BRD3: variants seen among roughly 807,000 people sequenced by gnomAD.
BRD3 encodes bromodomain containing 3.
BRD3 carries 17 observed loss-of-function variants against 66.8 expected under a neutral mutation model. The observed-to-expected ratio is 0.25, with a 90% CI of 0.17 to 0.38. The LOEUF is 0.38. Among genes scored for constraint, BRD3 ranks in the 10% least tolerant of loss-of-function variants. BRD3 has a pLI of 1.00. For missense variants in BRD3, 713 were observed against 956.1 expected (o/e 0.75, Z 3.35); for synonymous variants, 421 against 393.2 (o/e 1.07, Z -0.84).
intron 1 of BRD3, among the ~76,000 whole-genome samples, chr9:134,063,285 C>A (rs1018014051): frequency 6.6e-6 from 1 of 152,160 alleles, no homozygotes; most frequent in African/African-American, 2.4e-5. Flanking sequence ...TCTGTGAGTC[C>A]ACAGCCCACG....
intron 1 of BRD3, among the ~76,000 whole-genome samples, chr9:134,054,852 C>T (rs1564557781): frequency 6.6e-6 from 1 of 152,076 alleles, no homozygotes; most frequent in South Asian, 2.1e-4. Flanking sequence ...GTCGTCAGCA[C>T]CCTGCGTGTA....
intron 9 of BRD3, among the ~76,000 whole-genome samples, chr9:134,039,416 T>C (rs941706808): frequency 6.6e-6 from 1 of 152,222 alleles, no homozygotes; most frequent in Non-Finnish European, 1.5e-5. Flanking sequence ...CCTCTGTGGC[T>C]TTGTACCCGT....
At chr9:134,064,604 T>C (rs945980775) in intron 1 of BRD3, among the ~76,000 whole-genome samples, 3 of 152,102 alleles carry the variant, frequency 2.0e-5, no homozygotes, top group Non-Finnish European at 2.9e-5. Flanking sequence ...CTCACGCTTG[T>C]AATCCCAGCA....
chr9:134,053,781 C>G, intron 1 of BRD3, 191 bp from the exon 2 acceptor site: 1 of 430,672 alleles, frequency 2.3e-6, no homozygotes, highest in Non-Finnish European at 4.1e-6. Context: ...GCGACCAGCT[C>G]AGAACGACTC....
At position 134,036,187 on chromosome 9, in the gene BRD3, C is replaced by T. The variant is rs1829907712; in HGVS notation, c.1781G>A (p.Arg594Gln). 3 of 1,614,096 alleles carry T rather than the reference C, an allele frequency of 1.9e-6. No individual in the cohort carries two copies. Among genetic ancestry groups the T allele is most frequent in the Non-Finnish European group, 2.5e-6 (3 of 1,180,040 alleles). ...CCGAGATTGGATGATGTGCACTACC[C>T]GGCCCAGCTTCTCCCCGGGCAGCCG... ...INRLPGEKLG[R>Q]VVHIIQSREP... The change falls in exon 10 of 12, where the codon CGG becomes CAG. Residue 594 changes from arginine to glutamine, a missense_variant. Arg to Gln is a conservative substitution (Grantham distance 43). Coordinates refer to ENST00000303407, the MANE Select transcript of BRD3 (RefSeq NM_007371.4).
At position 134,031,530 on chromosome 9, in the gene BRD3, C is replaced by T. The variant is rs986216140; in HGVS notation, c.*2060G>A. The T allele has an allele frequency of 5.0e-6, 1 of 201,786 alleles. No homozygotes were observed. The highest frequency in any genetic ancestry group is 2.3e-5 in the African/African-American group (1 of 43,452). 12.5% of individuals were successfully genotyped at this position (201,786 alleles called of 1,614,324 possible). On this transcript the variant is annotated 3_prime_UTR_variant, in exon 12 of 12. Coordinates refer to ENST00000303407, the MANE Select transcript of BRD3 (RefSeq NM_007371.4). Reference sequence around the variant, plus strand: ...GGTAACTTTAAAAAATGGAAACTTTCAAATCCATTTATATTTTTATTATAA... The same window carrying T: ...GGTAACTTTAAAAAATGGAAACTTTTAAATCCATTTATATTTTTATTATAA...
Position 134,031,849 on chromosome 9 carries a change from C to T in BRD3, c.*1741G>A, listed in dbSNP as rs147284416. ...ACCACAGCTCCATACCCAGCGTCTG[C>T]CTGGAGGCTCCCCCACGCTGAGGTC... is the stretch of plus-strand genomic sequence containing the variant. On this transcript the variant is annotated 3_prime_UTR_variant, in exon 12 of 12. Coordinates refer to ENST00000303407, the MANE Select transcript of BRD3 (RefSeq NM_007371.4). 310 of 222,348 alleles carry T rather than the reference C, an allele frequency of 1.4e-3. 7 individuals carry two copies. In the East Asian group the frequency reaches 0.02, roughly 14 times the overall value. The allele number at this position is 222,348 out of a possible 1,614,324, so 13.8% of individuals were successfully genotyped here.
At chr9:134,064,182 T>C (rs1205173822) in intron 1 of BRD3, among the ~76,000 whole-genome samples, 1 of 152,020 alleles carries the variant, frequency 6.6e-6, no homozygotes, top group Non-Finnish European at 1.5e-5. Flanking sequence ...GCCAGAAGAC[T>C]TACAATTTAA....
rs1830349725 is a variant in BRD3, at chr9:134,053,559, A to G, written c.-82T>C. 1 of 1,453,384 alleles carries G rather than the reference A, an allele frequency of 6.9e-7. No individual in the cohort carries two copies. Among genetic ancestry groups the G allele is most frequent in the Non-Finnish European group, 9.0e-7 (1 of 1,106,040 alleles). The allele number at this position is 1,453,384 out of a possible 1,614,324, so 90.0% of individuals were successfully genotyped here. On this transcript the variant is annotated 5_prime_UTR_variant, in exon 2 of 12. Coordinates refer to ENST00000303407, the MANE Select transcript of BRD3 (RefSeq NM_007371.4). ...CTTCTACGCTCCCTGAGAAAGCGCG[A>G]CGTCCCATTTCCGGGCCCAACCAGG...
chr9:134,034,577 A>G (rs1843568873), intron 11 of BRD3, 124 bp downstream of exon 11: 2 of 1,352,950 alleles, frequency 1.5e-6, no homozygotes, highest in South Asian at 2.8e-5. Flanking sequence ...GAGCTCGTCT[A>G]AGAACATGGA....
intron 6 of BRD3, among the ~76,000 whole-genome samples, chr9:134,047,092 C>T (rs954836371): frequency 7.9e-5 from 12 of 152,242 alleles, no homozygotes; most frequent in African/African-American, 1.7e-4. Flanking sequence ...CGGCCCCGCT[C>T]GTCACTTTCA....
intron 7 of BRD3, among the ~76,000 whole-genome samples, chr9:134,042,926 A>G (rs1274755926): frequency 6.6e-6 from 1 of 151,720 alleles, no homozygotes; most frequent in Non-Finnish European, 1.5e-5. Flanking sequence ...TGCATCCTCC[A>G]CATCCTGATT....
chr9:134,033,199 C>T lies in BRD3; in HGVS notation c.*391G>A. 9.8e-6 allele frequency: 4 copies of T among 407,164 alleles called. 1 individual carries two copies. The highest frequency in any genetic ancestry group is 1.2e-3 in the Middle Eastern group (2 of 1,610). The allele number at this position is 407,164 out of a possible 1,614,324, so 25.2% of individuals were successfully genotyped here. A position where few individuals can be genotyped will look rare whatever the true frequency, so the allele number is the denominator to read the frequency against. On this transcript the variant is annotated 3_prime_UTR_variant, in exon 12 of 12. Coordinates refer to ENST00000303407, the MANE Select transcript of BRD3 (RefSeq NM_007371.4). The surrounding 1 kb of genome is among the most constrained non-coding windows in gnomAD (Gnocchi z 5.1). ...AGCTAACAGCTTTCAAATACAGTAC[C>T]CATATCCGAGACATTTCCTTGGAAA...
chr9:134,030,987 G>A lies in BRD3; in HGVS notation c.*2603C>T, dbSNP rs931945304. The A allele has an allele frequency of 2.6e-5, 6 of 230,382 alleles. No individual in the cohort carries two copies. The highest frequency in any genetic ancestry group is 2.5e-3 in the Middle Eastern group (2 of 800). 14.3% of individuals were successfully genotyped at this position (230,382 alleles called of 1,614,324 possible). A position where few individuals can be genotyped will look rare whatever the true frequency, so the allele number is the denominator to read the frequency against. Reference sequence around the variant, plus strand: ...CGCAGCCTTCTAATACAGAAGAAACGGACGTGACTGTCACCCTCAGCCCGC... The same window carrying A: ...CGCAGCCTTCTAATACAGAAGAAACAGACGTGACTGTCACCCTCAGCCCGC... On this transcript the variant is annotated 3_prime_UTR_variant, in exon 12 of 12. Transcript: ENST00000303407.
intron 9 of BRD3, among the ~76,000 whole-genome samples, chr9:134,037,503 G>A (rs913955470): frequency 1.4e-4 from 21 of 152,222 alleles, no homozygotes; most frequent in Non-Finnish European, 2.4e-4. Context: ...CCCTGGAGGC[G>A]GAGGTTGCAG....
intron 10 of BRD3, 70 bp from the exon 11 acceptor site, chr9:134,034,899 G>C (rs1445471341): frequency 6.3e-7 from 1 of 1,596,558 alleles, no homozygotes; most frequent in African/African-American, 1.3e-5. Flanking sequence ...GCTGCATCCA[G>C]GTGGCCAAGG....
intron 7 of BRD3, among the ~76,000 whole-genome samples, 171 bp from the exon 8 acceptor site, chr9:134,042,122 G>C (rs774868849): frequency 6.6e-6 from 1 of 152,172 alleles, no homozygotes; most frequent in Non-Finnish European, 1.5e-5. Context: ...GTTGCTTCCA[G>C]CTTGCCCACC....
Position 134,045,155 on chromosome 9 carries a change from G to T in BRD3, c.1215+138C>A, listed in dbSNP as rs1830140484. 7.9e-7 allele frequency: 1 copy of T among 1,272,810 alleles called. No homozygotes were observed. Among genetic ancestry groups the T allele is most frequent in the Non-Finnish European group, 1.1e-6 (1 of 942,802 alleles). The allele number at this position is 1,272,810 out of a possible 1,614,324, so 78.8% of individuals were successfully genotyped here. On this transcript the variant is annotated intron_variant, in intron 7 of 11. Transcript: ENST00000303407. The surrounding 1 kb of genome is among the most constrained non-coding windows in gnomAD (Gnocchi z 4.8). ...CTGACAGGGACCTGGTTGGCACTCG[G>T]GAAAAAGGTGTTGAGGGAATGAGGC...
chr9:134,039,754 C>T (rs903074278), intron 9 of BRD3, among the ~76,000 whole-genome samples: 1 of 152,220 alleles, frequency 6.6e-6, no homozygotes, highest in Non-Finnish European at 1.5e-5. Flanking sequence ...TTGGCCCAGA[C>T]CAGAGAAACA....
Sources: allele counts gnomAD v4.1 joint callset (sites outside exome capture counted in the v4.1 genomes callset), GRCh38; gene constraint gnomAD v4.1.1; non-coding constraint Gnocchi (gnomAD v3.1); transcripts MANE v1.5; gene names NCBI Gene and HGNC (gene_info 2026-07-23, HGNC 2026-07-21).